PTPN13: variants seen among roughly 807,000 people sequenced by gnomAD.
PTPN13 encodes the protein protein tyrosine phosphatase non-receptor type 13, also known as tyrosine-protein phosphatase non-receptor type 13.
A neutral mutation model predicts 284.0 loss-of-function variants in PTPN13; 191 were observed. The ratio of observed to expected loss-of-function variants is 0.67; its 90% CI spans 0.60 to 0.76. PTPN13 has a LOEUF of 0.76. Among genes scored for constraint, PTPN13 ranks in the 30% least tolerant of loss-of-function variants. PTPN13 has a pLI of 0.00. For synonymous variants in PTPN13, 986 were observed against 1,022.3 expected (o/e 0.96, Z 0.68); for missense variants, 2,797 against 2,939.9 (o/e 0.95, Z 1.12).
chr4:86,758,067 A>G (rs1429839962), intron 20 of PTPN13, among the ~76,000 whole-genome samples, 193 bp from the exon 21 acceptor site: 1 of 152,196 alleles, frequency 6.6e-6, no homozygotes, highest in Non-Finnish European at 1.5e-5. Context: ...GAATAAATGT[A>G]ATACGTAGTC....
intron 35 of PTPN13, among the ~76,000 whole-genome samples, chr4:86,778,371 C>T (rs947179701): frequency 7.9e-5 from 12 of 152,204 alleles, no homozygotes; most frequent in African/African-American, 2.7e-4. Context: ...ATTACTAATG[C>T]ATAGCAAGCA....
intron 7 of PTPN13, among the ~76,000 whole-genome samples, chr4:86,715,583 C>A (rs367600725): frequency 2.0e-5 from 3 of 152,110 alleles, no homozygotes; most frequent in African/African-American, 7.2e-5. Flanking sequence ...CAGAATGAGA[C>A]CCTGTCTCTA....
At chr4:86,597,600 C>A (rs1763930974) in intron 1 of PTPN13, among the ~76,000 whole-genome samples, 2 of 152,046 alleles carry the variant, frequency 1.3e-5, no homozygotes, top group African/African-American at 4.8e-5. Flanking sequence ...TCTAATAATC[C>A]TTTGAGTTTG....
In PTPN13 at chr4:86,784,513, TC is replaced by T; in HGVS notation, c.6074del (p.Ser2025LeufsTer5). On this transcript the variant is annotated frameshift_variant, in exon 38 of 48. Transcript: ENST00000411767. LOFTEE classifies it high-confidence loss of function. ...AATATCGTACCCCAAAGGAAAATGT[TC>T]TACTTATCAGATAAAGGGATCACCA... The part of the protein sequence containing the change: ...NEISYPKGKC[S>X]TYQIKGSPNL... The T allele has an allele frequency of 6.2e-7, 1 of 1,609,038 alleles. No individual in the cohort carries two copies. Among genetic ancestry groups the T allele is most frequent in the Non-Finnish European group, 8.5e-7 (1 of 1,178,290 alleles).
intron 17 of PTPN13, 29 bp downstream of exon 17, chr4:86,745,157 C>A: frequency 6.4e-7 from 1 of 1,565,990 alleles, no homozygotes; most frequent in Non-Finnish European, 8.6e-7. Flanking sequence ...TTTCAGATGA[C>A]TCCTGGGAAT....
chr4:86,684,417 G>A (rs912752577), intron 3 of PTPN13, among the ~76,000 whole-genome samples: 3 of 152,140 alleles, frequency 2.0e-5, no homozygotes, highest in African/African-American at 4.8e-5. Flanking sequence ...TGTGATAAGG[G>A]AAGGAGCGAT....
At chr4:86,756,925 G>A (rs561874889) in intron 20 of PTPN13, among the ~76,000 whole-genome samples, 26 of 152,120 alleles carry the variant, frequency 1.7e-4, no homozygotes, top group Non-Finnish European at 2.9e-4. Flanking sequence ...TTTTCAGAAA[G>A]CTTCAATATA....
intron 17 of PTPN13, among the ~76,000 whole-genome samples, chr4:86,747,684 A>G (rs1263820414): frequency 6.6e-6 from 1 of 152,172 alleles, no homozygotes; most frequent in South Asian, 2.1e-4. Context: ...TGTTGTATAT[A>G]TAGATATAAC....
chr4:86,728,885 T>C (rs1032970954), intron 10 of PTPN13, among the ~76,000 whole-genome samples: 1 of 147,934 alleles, frequency 6.8e-6, no homozygotes, highest in Non-Finnish European at 1.5e-5. Context: ...CCTGTCATTA[T>C]GATGTTATCT....
chr4:86,621,558 A>T (rs886201087), intron 1 of PTPN13, among the ~76,000 whole-genome samples: 2 of 152,210 alleles, frequency 1.3e-5, no homozygotes, highest in African/African-American at 2.4e-5. Context: ...CTGAACTGAC[A>T]TGAAGCTATT....
intron 1 of PTPN13, among the ~76,000 whole-genome samples, chr4:86,617,986 A>C (rs913988475): frequency 1.3e-5 from 2 of 152,108 alleles, no homozygotes; most frequent in Non-Finnish European, 2.9e-5. Flanking sequence ...TGTTTTAGAC[A>C]TGAAGTCCTT....
At chr4:86,697,507 A>AGT (rs1256414038) in intron 6 of PTPN13, among the ~76,000 whole-genome samples, 1 of 152,144 alleles carries the variant, frequency 6.6e-6, no homozygotes, top group Non-Finnish European at 1.5e-5. Flanking sequence ...AGCCTAAACT[A>AGT]GTGGGCTCTC....
intron 15 of PTPN13, among the ~76,000 whole-genome samples, chr4:86,738,773 C>T (rs1212139393): frequency 2.6e-5 from 4 of 152,098 alleles, no homozygotes; most frequent in Non-Finnish European, 4.4e-5. Flanking sequence ...CTCCACCTCC[C>T]AGGCTCAAGT....
At position 86,672,397 on chromosome 4, in the gene PTPN13, A is replaced by G. The variant is rs201906238; in HGVS notation, c.148A>G (p.Ile50Val). 1.3e-4 allele frequency: 195 copies of G among 1,555,516 alleles called. 1 individual carries two copies. The African/African-American group carries it at 2.0e-3, about 16-fold the overall frequency. ...SLADPAALGF[I>V]ISPWSLLLLP... ...AGCTGATCCTGCTGCCCTTGGCTTC[A>G]TCATTTCTCCATGGTCTCTGCTGTT... The change falls in exon 3 of 48, where the codon ATC becomes GTC. Residue 50 changes from isoleucine to valine, a missense_variant. By Grantham distance (29) the Ile-to-Val change is conservative. Coordinates refer to ENST00000411767, the MANE Select transcript of PTPN13 (RefSeq NM_080683.3).
chr4:86,689,631 A>G, intron 5 of PTPN13: 1 of 702,158 alleles, frequency 1.4e-6, no homozygotes, highest in Non-Finnish European at 2.6e-6. Flanking sequence ...TATTTCCCAA[A>G]CCTTCTCCAC....
At chr4:86,746,572 C>A (rs1323178975) in intron 17 of PTPN13, among the ~76,000 whole-genome samples, 2 of 152,154 alleles carry the variant, frequency 1.3e-5, no homozygotes, top group Non-Finnish European at 2.9e-5. Context: ...GAGCTACAGT[C>A]TTTGGGAATT....
At chr4:86,709,116 G>T (rs1483586866) in intron 7 of PTPN13, among the ~76,000 whole-genome samples, 3 of 151,854 alleles carry the variant, frequency 2.0e-5, no homozygotes, top group African/African-American at 7.3e-5. Flanking sequence ...TGGATGCGTG[G>T]ATAGATAGAT....
intron 6 of PTPN13, among the ~76,000 whole-genome samples, chr4:86,694,175 ATACT>A (rs1306884600): frequency 6.6e-6 from 1 of 152,004 alleles, no homozygotes; most frequent in Non-Finnish European, 1.5e-5. Context: ...AGGTCATGTG[ATACT>A]TAGTAAATAA....
At chr4:86,720,839 G>A (rs775446808) in intron 9 of PTPN13, among the ~76,000 whole-genome samples, 4 of 152,128 alleles carry the variant, frequency 2.6e-5, no homozygotes, top group African/African-American at 4.8e-5. Flanking sequence ...GATGGGGGGA[G>A]ATTAACAGGA....
Sources: allele counts gnomAD v4.1 joint callset (sites outside exome capture counted in the v4.1 genomes callset), GRCh38; gene constraint gnomAD v4.1.1; transcripts MANE v1.5; gene names NCBI Gene and HGNC (gene_info 2026-07-23, HGNC 2026-07-21).